The following SLC35G2 variants were observed in gnomAD, a reference collection of about 807,000 sequenced individuals.
The protein encoded by SLC35G2 is transmembrane protein 22.
A neutral mutation model predicts 27.2 loss-of-function variants in SLC35G2; 20 were observed. That is an observed-to-expected ratio of 0.74 (90% CI 0.52 to 1.07). SLC35G2 has a LOEUF of 1.07. SLC35G2 is among the 50% of genes least tolerant of loss of function. SLC35G2 has a pLI of 0.00. For missense variants in SLC35G2, 416 were observed against 493.3 expected (o/e 0.84, Z 1.48); for synonymous variants, 148 against 165.3 (o/e 0.90, Z 0.80).
chr3:136,853,829 C>G, intron 1 of SLC35G2, among the ~76,000 whole-genome samples: 1 of 152,146 alleles, frequency 6.6e-6, no homozygotes, highest in East Asian at 1.9e-4. Flanking sequence ...TATGGTCCAA[C>G]TGTTCACGAG....
intron 1 of SLC35G2, chr3:136,820,041 G>A (rs1936408066): frequency 6.6e-6 from 1 of 152,330 alleles, no homozygotes. Context: ...CGGGCCGGCA[G>A]GAAAGAGACT....
Position 136,819,448 on chromosome 3 carries a change from C to T in SLC35G2, c.-199C>T, listed in dbSNP as rs1230741941. Reference sequence around the variant, plus strand: ...CACGACGCCTGAAAGGCCGCGGGGCCCGCATTTCTCTGTGCTGCCCTCCTG... The same window carrying T: ...CACGACGCCTGAAAGGCCGCGGGGCTCGCATTTCTCTGTGCTGCCCTCCTG... On this transcript the variant is annotated 5_prime_UTR_variant, in exon 1 of 2. Coordinates refer to ENST00000446465, the MANE Select transcript of SLC35G2 (RefSeq NM_025246.3). 1.3e-5 allele frequency: 2 copies of T among 152,306 alleles called. No homozygotes were observed. 9.4% of individuals were successfully genotyped at this position (152,306 alleles called of 1,614,324 possible).
chr3:136,853,734 G>A (rs992605286), intron 1 of SLC35G2, among the ~76,000 whole-genome samples: 1 of 151,918 alleles, frequency 6.6e-6, no homozygotes, highest in Non-Finnish European at 1.5e-5. Context: ...TATTCAGAAT[G>A]TAAAAAGCAT....
chr3:136,819,206 G>A lies in SLC35G2; in HGVS notation c.-441G>A, dbSNP rs919399466. The A allele has an allele frequency of 1.3e-5, 2 of 152,212 alleles. No homozygotes were observed. The highest frequency in any genetic ancestry group is 3.9e-4 in the East Asian group (2 of 5,186). 9.4% of individuals were successfully genotyped at this position (152,212 alleles called of 1,614,324 possible). A position where few individuals can be genotyped will look rare whatever the true frequency, so the allele number is the denominator to read the frequency against. On this transcript the variant is annotated 5_prime_UTR_variant, in exon 1 of 2. Transcript: ENST00000446465. ...GCCTCCGGGGCACCTTCCTCGCCAC[G>A]ACACGCAGGTAACCGGGCCCCGGGA...
intron 1 of SLC35G2, chr3:136,838,192 TC>T (rs1270400373): frequency 2.6e-5 from 4 of 151,338 alleles, no homozygotes; most frequent in African/African-American, 7.3e-5. Context: ...ATATATAATG[TC>T]CCTGTCAATG....
At chr3:136,851,049 T>C (rs1206854087) in intron 1 of SLC35G2, among the ~76,000 whole-genome samples, 1 of 152,242 alleles carries the variant, frequency 6.6e-6, no homozygotes, top group East Asian at 1.9e-4. Context: ...TCCACTGAGT[T>C]GAGACAGCTA....
In SLC35G2 at chr3:136,855,788, AACTG is replaced by A; in HGVS notation, c.*92_*95del. On this transcript the variant is annotated 3_prime_UTR_variant, in exon 2 of 2. Transcript: ENST00000446465. Reference sequence around the variant, plus strand: ...CCTATGAATGTCTTTTGTGTTATATAACTGACAGAGTGCTATAAAATATATAATA... The same window carrying A: ...CCTATGAATGTCTTTTGTGTTATATAACAGAGTGCTATAAAATATATAATA... 9.7e-7 allele frequency: 1 copy of A among 1,027,146 alleles called. No individual in the cohort carries two copies. Among genetic ancestry groups the A allele is most frequent in the Non-Finnish European group, 1.5e-6 (1 of 674,828 alleles). 63.6% of individuals were successfully genotyped at this position (1,027,146 alleles called of 1,614,324 possible). A position where few individuals can be genotyped will look rare whatever the true frequency, so the allele number is the denominator to read the frequency against.
rs190432315 is a variant in SLC35G2, at chr3:136,832,996, G to A, written c.-19+13368G>A. Among the ~76,000 whole-genome samples, 512 of 151,674 alleles carry A rather than the reference G, an allele frequency of 3.4e-3. 6 individuals are homozygous for A. Among genetic ancestry groups the A allele is most frequent in the Non-Finnish European group, 5.0e-3 (337 of 67,978 alleles). On this transcript the variant is annotated intron_variant, in intron 1 of 1. Transcript: ENST00000446465. Reference sequence around the variant, plus strand: ...AGGCAGGAGAATGGCATGAACCTGGGAGGCGGAGCTTGCAGTGAGCTGAGA... The same window carrying A: ...AGGCAGGAGAATGGCATGAACCTGGAAGGCGGAGCTTGCAGTGAGCTGAGA...
At chr3:136,829,031 A>C (rs1033593210) in intron 1 of SLC35G2, among the ~76,000 whole-genome samples, 20 of 152,140 alleles carry the variant, frequency 1.3e-4, no homozygotes, top group African/African-American at 4.8e-4. Flanking sequence ...CTTTAACTTT[A>C]TCTCTCTGCT....
intron 1 of SLC35G2, among the ~76,000 whole-genome samples, chr3:136,841,055 T>A (rs1456456517): frequency 6.6e-6 from 1 of 151,206 alleles, no homozygotes; most frequent in Non-Finnish European, 1.5e-5. Flanking sequence ...CTTGAACTCC[T>A]GAGCTCAAAG....
In SLC35G2 at chr3:136,844,140, C is replaced by T. The variant is rs368956832; in HGVS notation, c.-18-10303C>T. 1.2e-4 allele frequency among the ~76,000 whole-genome samples: 18 copies of T among 151,442 alleles called. No homozygotes were observed. The East Asian group carries it at 1.8e-3, about 15-fold the overall frequency. ...CCGGGAAGCGGAGGTTGCAGTGAGC[C>T]GAGATTTCGCCACTGCACTCCAGCC... On this transcript the variant is annotated intron_variant, in intron 1 of 1. Transcript: ENST00000446465.
chr3:136,838,591 C>T (rs1324219346), intron 1 of SLC35G2: 3 of 152,080 alleles, frequency 2.0e-5, no homozygotes, highest in Non-Finnish European at 1.5e-5. Context: ...TTAAGCCAAA[C>T]CAAATTTGTA....
intron 1 of SLC35G2, 60 bp from the exon 2 acceptor site, chr3:136,854,382 TA>T: frequency 9.0e-7 from 1 of 1,106,906 alleles, no homozygotes; most frequent in Admixed American, 2.4e-5. Flanking sequence ...CATATGATTA[TA>T]ATAGAAATTA....
At position 136,831,229 on chromosome 3, in the gene SLC35G2, C is replaced by G. The variant is rs560410992; in HGVS notation, c.-19+11601C>G. ...TCACATTGCTTTTTGGATTCCCTTA[C>G]TTTACAGTTAGGAGATACAAGATAG... On this transcript the variant is annotated intron_variant, in intron 1 of 1. Coordinates refer to ENST00000446465, the MANE Select transcript of SLC35G2 (RefSeq NM_025246.3). Among the ~76,000 whole-genome samples the G allele has an allele frequency of 1.6e-4, 24 of 152,272 alleles. No individual in the cohort carries two copies. The South Asian group carries it at 5.0e-3, about 32-fold the overall frequency.
At chr3:136,844,766 C>G (rs1391278235) in intron 1 of SLC35G2, among the ~76,000 whole-genome samples, 1 of 145,944 alleles carries the variant, frequency 6.9e-6, no homozygotes, top group African/African-American at 2.6e-5. Context: ...CCACTGCACT[C>G]CAGCCTGGGC....
At chr3:136,844,952 C>T (rs1937305708) in intron 1 of SLC35G2, among the ~76,000 whole-genome samples, 1 of 152,066 alleles carries the variant, frequency 6.6e-6, no homozygotes, top group Non-Finnish European at 1.5e-5. Context: ...GGTAGTTTGT[C>T]ATCCCATTTG....
chr3:136,837,163 CAG>C (rs1553784869), intron 1 of SLC35G2, among the ~76,000 whole-genome samples: 2 of 151,590 alleles, frequency 1.3e-5, no homozygotes, highest in African/African-American at 2.4e-5. Flanking sequence ...CACACACACA[CAG>C]AATTCTTTCA....
chr3:136,833,830 TACTC>T (rs1281028696), intron 1 of SLC35G2, among the ~76,000 whole-genome samples: 2 of 152,160 alleles, frequency 1.3e-5, no homozygotes, highest in Non-Finnish European at 2.9e-5. Context: ...AAGATATACT[TACTC>T]TCAAAGGAAT....
At chr3:136,825,700 CATTG>C (rs1936568009) in intron 1 of SLC35G2, among the ~76,000 whole-genome samples, 1 of 152,150 alleles carries the variant, frequency 6.6e-6, no homozygotes, top group Non-Finnish European at 1.5e-5. Context: ...TAATTTATCA[CATTG>C]ATTGATTCAC....
Sources: allele counts gnomAD v4.1 joint callset (sites outside exome capture counted in the v4.1 genomes callset), GRCh38; gene constraint gnomAD v4.1.1; transcripts MANE v1.5; gene names NCBI Gene and HGNC (gene_info 2026-07-23, HGNC 2026-07-21).